SYN3: variants seen among roughly 807,000 people sequenced by gnomAD.
SYN3 encodes synapsin III, also known as synapsin-3.
Under a neutral mutation model 65.8 loss-of-function variants are expected in SYN3, and 35 were observed. That is an observed-to-expected ratio of 0.53 (90% CI 0.41 to 0.70). The LOEUF (loss-of-function observed/expected upper bound fraction) is 0.70. Among genes scored for constraint, SYN3 ranks in the 30% least tolerant of loss-of-function variants. The pLI is 0.00. For synonymous variants in SYN3, 270 were observed against 292.9 expected, an observed-to-expected ratio of 0.92 and a Z score of 0.80; for missense variants, 680 against 749.0, an observed-to-expected ratio of 0.91 and a Z score of 1.08.
At chr22:32,721,058 C>T (rs1158655354) in intron 6 of SYN3, among the ~76,000 whole-genome samples, 1 of 152,248 alleles carries the variant, frequency 6.6e-6, no homozygotes, top group African/African-American at 2.4e-5. Context: ...GCCAGACAAT[C>T]TGTTTCTCAT....
At chr22:32,927,472 A>T (rs2050506220) in intron 4 of SYN3, among the ~76,000 whole-genome samples, 1 of 150,364 alleles carries the variant, frequency 6.7e-6, no homozygotes, top group South Asian at 2.1e-4. Context: ...CTGGTCTCAA[A>T]CTCCTGAGTG....
intron 2 of SYN3, among the ~76,000 whole-genome samples, chr22:32,994,007 A>G (rs1015645622): frequency 1.3e-5 from 2 of 152,030 alleles, no homozygotes; most frequent in African/African-American, 4.8e-5. Flanking sequence ...GGGCGGGGGT[A>G]ACAACTCTTC....
At chr22:32,851,692 A>G (rs2048222783) in intron 6 of SYN3, among the ~76,000 whole-genome samples, 1 of 152,208 alleles carries the variant, frequency 6.6e-6, no homozygotes, top group Admixed American at 6.5e-5. Flanking sequence ...CTGATCCCCA[A>G]GCTGAGGCAT....
chr22:32,998,785 A>AAC (rs1556121355), intron 2 of SYN3, among the ~76,000 whole-genome samples: 1,641 of 137,266 alleles, frequency 0.012, 30 homozygotes, highest in African/African-American at 0.039. Flanking sequence ...GTAAAAAAAA[A>AAC]AAAAAAAAAA....
intron 4 of SYN3, among the ~76,000 whole-genome samples, chr22:32,872,163 G>T (rs759993189): frequency 2.0e-5 from 3 of 152,152 alleles, no homozygotes; most frequent in Admixed American, 1.3e-4. Flanking sequence ...TTGATTAGCT[G>T]CTTAACTGTC....
intron 1 of SYN3, among the ~76,000 whole-genome samples, chr22:33,038,359 G>A (rs530510120): frequency 2.1e-4 from 32 of 152,330 alleles, no homozygotes; most frequent in Non-Finnish European, 4.0e-4. Context: ...TTACTGCTGC[G>A]GCGCTGCCTC....
At chr22:32,995,396 A>T (rs1206820852) in intron 2 of SYN3, among the ~76,000 whole-genome samples, 1 of 152,206 alleles carries the variant, frequency 6.6e-6, no homozygotes, top group Non-Finnish European at 1.5e-5. Context: ...CTCTCCAAAT[A>T]TGGCATGGGA....
chr22:32,613,346 G>A (rs1273658954), intron 6 of SYN3, among the ~76,000 whole-genome samples: 3 of 152,058 alleles, frequency 2.0e-5, no homozygotes, highest in East Asian at 1.9e-4. Flanking sequence ...CAGCAGCAGG[G>A]TAGGAGAGAG....
chr22:32,843,245 G>A (rs2047965259), intron 6 of SYN3, among the ~76,000 whole-genome samples: 1 of 152,240 alleles, frequency 6.6e-6, no homozygotes, highest in Non-Finnish European at 1.5e-5. Context: ...TGGCACCTAA[G>A]AGGCATTCGA....
chr22:32,961,656 G>C (rs1321466964), intron 3 of SYN3, among the ~76,000 whole-genome samples: 2 of 152,220 alleles, frequency 1.3e-5, no homozygotes, highest in Non-Finnish European at 2.9e-5. Context: ...CTTGCTGCCA[G>C]CTCTGGCTGC....
chr22:32,905,222 T>C (rs2049869358), intron 4 of SYN3, among the ~76,000 whole-genome samples: 2 of 152,172 alleles, frequency 1.3e-5, no homozygotes. Context: ...GGGAAAATAA[T>C]AGAGAAACTG....
chr22:32,534,223 C>T (rs1197837218), intron 9 of SYN3, among the ~76,000 whole-genome samples: 7 of 152,086 alleles, frequency 4.6e-5, no homozygotes, highest in South Asian at 2.1e-4. Flanking sequence ...AGGTCTCCCC[C>T]GACCCCAGGA....
At chr22:32,631,600 T>G (rs893538602) in intron 6 of SYN3, among the ~76,000 whole-genome samples, 14 of 152,180 alleles carry the variant, frequency 9.2e-5, no homozygotes, top group African/African-American at 3.4e-4. Context: ...ATGAGCAACC[T>G]TAGAATTGCT....
chr22:32,799,731 G>GA (rs2046516620), intron 6 of SYN3, among the ~76,000 whole-genome samples: 1 of 152,116 alleles, frequency 6.6e-6, no homozygotes, highest in African/African-American at 2.4e-5. Context: ...TGGATCCTTA[G>GA]AGTGGCCTCC....
At chr22:32,869,180 C>A in intron 4 of SYN3, 55 bp from the exon 5 acceptor site, 3 of 1,576,154 alleles carry the variant, frequency 1.9e-6, no homozygotes, top group Non-Finnish European at 2.6e-6. Context: ...AACACCAGGG[C>A]ATCCGGCCAC....
chr22:32,927,519 G>A (rs1452105531), intron 4 of SYN3, among the ~76,000 whole-genome samples: 1 of 151,918 alleles, frequency 6.6e-6, no homozygotes, highest in Non-Finnish European at 1.5e-5. Context: ...AAAGTGCTGG[G>A]ATTTACAGGC....
At chr22:32,989,663 CGT>C (rs1243221197) in intron 2 of SYN3, among the ~76,000 whole-genome samples, 1 of 151,882 alleles carries the variant, frequency 6.6e-6, no homozygotes, top group Non-Finnish European at 1.5e-5. Context: ...GGTGAAACCC[CGT>C]GTCTACCAAA....
At chr22:32,823,342 C>T (rs2047309149) in intron 6 of SYN3, among the ~76,000 whole-genome samples, 1 of 152,158 alleles carries the variant, frequency 6.6e-6, no homozygotes, top group South Asian at 2.1e-4. Flanking sequence ...ACAGAGAATG[C>T]CGCAAGGGAT....
At chr22:32,552,440 T>C (rs58033264) in intron 7 of SYN3, among the ~76,000 whole-genome samples, 38,074 of 150,948 alleles carry the variant, frequency 0.25, 4,946 homozygotes, top group Middle Eastern at 0.37. Flanking sequence ...TCTTTTTTTT[T>C]TTTTTTAGTG....
Sources: gnomAD v4.1 joint callset for allele counts (sites outside exome capture counted in the v4.1 genomes callset) on GRCh38, gnomAD v4.1.1 for gene constraint, MANE v1.5 for transcripts, NCBI Gene and HGNC (gene_info 2026-07-23, HGNC 2026-07-21) for gene names.